MPC1: variants seen among roughly 807,000 people sequenced by gnomAD.
MPC1 encodes the protein HSPC040 protein.
A neutral mutation model predicts 13.9 loss-of-function variants in MPC1; 6 were observed. The observed-to-expected ratio is 0.43, with a 90% CI of 0.24 to 0.85. MPC1 has a LOEUF of 0.85. MPC1 is among the 40% of genes least tolerant of loss of function. The pLI, the probability that MPC1 is intolerant of heterozygous loss-of-function variation, is 0.24. For synonymous variants in MPC1, 47 were observed against 50.5 expected (o/e 0.93, Z 0.29); for missense variants, 115 against 143.3 (o/e 0.80, Z 1.01).
At chr6:166,370,121 G>C (rs923925796) in intron 2 of MPC1, 97 bp downstream of exon 2, 2 of 777,126 alleles carry the variant, frequency 2.6e-6, no homozygotes, top group African/African-American at 3.4e-5. Flanking sequence ...CGGCTAGAAA[G>C]GCTCTCATAT....
chr6:166,368,724 C>T (rs369634882), intron 2 of MPC1: 1 of 980,182 alleles, frequency 1.0e-6, no homozygotes. Flanking sequence ...CTCTCCCTTA[C>T]CTACTTACTT....
chr6:166,375,099 A>C (rs1450876819), intron 1 of MPC1, among the ~76,000 whole-genome samples: 1 of 152,228 alleles, frequency 6.6e-6, no homozygotes, highest in Non-Finnish European at 1.5e-5. Flanking sequence ...TCATTAAATA[A>C]AATGTGGGTT....
intron 2 of MPC1, chr6:166,369,585 A>C (rs1243110479): frequency 6.1e-6 from 1 of 163,308 alleles, no homozygotes; most frequent in African/African-American, 2.4e-5. Flanking sequence ...GTTTACTAAA[A>C]TACCTAACCT....
chr6:166,366,747 C>G, intron 3 of MPC1, 48 bp downstream of exon 3: 1 of 1,549,970 alleles, frequency 6.5e-7, no homozygotes, highest in East Asian at 2.2e-5. Flanking sequence ...CAAGCAGGAG[C>G]TCTACTATGT....
intron 1 of MPC1, 54 bp from the exon 2 acceptor site, chr6:166,370,275 A>G (rs375114109): frequency 4.2e-6 from 3 of 714,772 alleles, no homozygotes; most frequent in Non-Finnish European, 7.7e-6. Context: ...GAAAAAAAAG[A>G]AACAAAAATC....
At chr6:166,380,805 G>A (rs987342065) in intron 1 of MPC1, among the ~76,000 whole-genome samples, 2 of 151,576 alleles carry the variant, frequency 1.3e-5, no homozygotes, top group African/African-American at 4.8e-5. Context: ...CTGGCGTGGT[G>A]GTGCATGCTT....
intron 2 of MPC1, among the ~76,000 whole-genome samples, chr6:166,369,817 C>T (rs1304190374): frequency 6.6e-6 from 1 of 152,192 alleles, no homozygotes; most frequent in East Asian, 1.9e-4. Flanking sequence ...AAAGTTCCAA[C>T]AGAATTATAC....
chr6:166,366,003 G>A lies in MPC1; in HGVS notation c.276C>T (p.Leu92=), dbSNP rs778055863. The A allele has an allele frequency of 3.1e-6, 5 of 1,613,922 alleles. No individual in the cohort carries two copies. The highest frequency in any genetic ancestry group is 4.5e-5 in the East Asian group (2 of 44,880). ...GTTTGATAAGCCGCCCTCCCTGGAT[G>A]AGCTGGGCTACTTCATTTGTTGCGT... ...ACHATNEVAQ[L]IQGGRLIKHE... is the part of the protein sequence containing the mutation. Residue 92 remains leucine, a synonymous_variant, in exon 4 of 5, where the codon CTC becomes CTT. Coordinates refer to ENST00000360961, the MANE Select transcript of MPC1 (RefSeq NM_016098.4).
chr6:166,379,002 C>T (rs571089504), intron 1 of MPC1, among the ~76,000 whole-genome samples: 170 of 152,260 alleles, frequency 1.1e-3, no homozygotes, highest in African/African-American at 4.0e-3. Flanking sequence ...TCACAATTAA[C>T]AATTGTCAAT....
At chr6:166,381,442 A>G (rs766572392) in intron 1 of MPC1, among the ~76,000 whole-genome samples, 2 of 152,214 alleles carry the variant, frequency 1.3e-5, no homozygotes, top group Non-Finnish European at 2.9e-5. Flanking sequence ...CCTTCATACT[A>G]TCCCTTTTGT....
intron 1 of MPC1, among the ~76,000 whole-genome samples, chr6:166,376,385 G>A (rs1475278041): frequency 6.6e-6 from 1 of 152,174 alleles, no homozygotes; most frequent in Non-Finnish European, 1.5e-5. Context: ...GAGTCCAAAA[G>A]CCCAAGAACC....
intron 1 of MPC1, among the ~76,000 whole-genome samples, chr6:166,371,540 A>G (rs1381562304): frequency 6.6e-6 from 1 of 152,164 alleles, no homozygotes. Context: ...AAATAATAAA[A>G]TCCTTTATAA....
chr6:166,381,009 C>T (rs551302081), intron 1 of MPC1, among the ~76,000 whole-genome samples: 2 of 148,266 alleles, frequency 1.3e-5, no homozygotes, highest in African/African-American at 5.0e-5. Context: ...TTTTATATAG[C>T]TAGGTGTCAT....
At chr6:166,375,744 C>T (rs1326523355) in intron 1 of MPC1, among the ~76,000 whole-genome samples, 2 of 152,190 alleles carry the variant, frequency 1.3e-5, no homozygotes, top group Non-Finnish European at 2.9e-5. Flanking sequence ...AATTCCAAAG[C>T]ACACACCATA....
intron 1 of MPC1, among the ~76,000 whole-genome samples, chr6:166,382,338 T>A (rs1779823982): frequency 6.7e-6 from 1 of 149,896 alleles, no homozygotes; most frequent in Non-Finnish European, 1.5e-5. Context: ...CGTCCACTGT[T>A]ATGCCTACCA....
intron 2 of MPC1, chr6:166,369,054 A>G (rs1554265287): frequency 1.7e-5 from 9 of 540,382 alleles, no homozygotes; most frequent in Non-Finnish European, 2.1e-5. Flanking sequence ...GGACAATGGA[A>G]TAAATCTAAA....
Position 166,382,822 on chromosome 6 carries a change from G to C in MPC1, c.55C>G (p.Arg19Gly), listed in dbSNP as rs751623493. Reference sequence around the variant, plus strand: ...GCTCGTCACCTCATGAGGTAGTCCCGGAAATCCTTGCTTCGGACATAGTCC... The same window carrying C: ...GCTCGTCACCTCATGAGGTAGTCCCCGAAATCCTTGCTTCGGACATAGTCC... ...AADYVRSKDF[R>G]DYLMSTHFWG... is the part of the protein sequence containing the mutation. The change falls in exon 1 of 5, where the codon CGG (arginine) becomes GGG (glycine). Residue 19 changes from arginine (R) to glycine (G), a missense_variant. By Grantham distance (125) the Arg-to-Gly change is moderately radical. Coordinates refer to ENST00000360961, the MANE Select transcript of MPC1 (RefSeq NM_016098.4). 1.9e-6 allele frequency: 3 copies of C among 1,596,834 alleles called. No homozygotes were observed. In the South Asian group the frequency reaches 3.4e-5, roughly 18 times the overall value.
Position 166,381,711 on chromosome 6 carries a change from C to T in MPC1, c.71+1095G>A. On this transcript the variant is annotated intron_variant, in intron 1 of 4. Transcript: ENST00000360961. The stretch of plus-strand genomic sequence containing the variant: ...AGTGTATTTTCAGGCTTTCCAACCG[C>T]GAATGCTCTTTGTTTCTAACTGGAA... 4.7e-6 allele frequency: 3 copies of T among 637,622 alleles called. No individual in the cohort carries two copies. In the South Asian group the frequency reaches 2.1e-4, roughly 45 times the overall value. The allele number at this position is 637,622 out of a possible 1,614,324, so 39.5% of individuals were successfully genotyped here.
rs557374974 is a variant in MPC1 at position 166,365,795 on chromosome 6, C to T, written c.305+179G>A. On this transcript the variant is annotated intron_variant, in intron 4 of 4. Transcript: ENST00000360961. The surrounding 1 kb of genome is among the most constrained non-coding windows in gnomAD (Gnocchi z 4.2). Reference sequence around the variant, plus strand: ...ATTTCAGATTTTTGGATTTGGGATGCTCAGCCTGTATCCTAGTTCATGTTA... The same window carrying T: ...ATTTCAGATTTTTGGATTTGGGATGTTCAGCCTGTATCCTAGTTCATGTTA... 1.3e-5 allele frequency among the ~76,000 whole-genome samples: 2 copies of T among 152,276 alleles called. No individual in the cohort carries two copies. The highest frequency in any genetic ancestry group is 4.1e-4 in the South Asian group (2 of 4,822).
Sources: gnomAD v4.1 joint callset for allele counts (sites outside exome capture counted in the v4.1 genomes callset) on GRCh38, gnomAD v4.1.1 for gene constraint, Gnocchi (gnomAD v3.1) non-coding constraint, MANE v1.5 for transcripts, NCBI Gene and HGNC (gene_info 2026-07-23, HGNC 2026-07-21) for gene names.